Variants in SHTN1 observed in about 807,000 individuals in gnomAD.
SHTN1 encodes shootin 1, also known as shootin-1.
SHTN1 carries 42 observed loss-of-function variants against 83.1 expected under a neutral mutation model. The ratio of observed to expected loss-of-function variants is 0.51; its 90% CI spans 0.39 to 0.65. SHTN1 has a LOEUF of 0.65. Among genes scored for constraint, SHTN1 ranks in the 30% least tolerant of loss-of-function variants. The probability of loss-of-function intolerance (pLI) is 0.00; values close to 1 mark genes in which losing one functional copy is unlikely to be tolerated. For missense variants in SHTN1, 622 were observed against 737.8 expected (o/e 0.84, Z 1.82); for synonymous variants, 224 against 247.7 (o/e 0.90, Z 0.90).
chr10:117,084,850 C>G (rs937046255), intron 1 of SHTN1, among the ~76,000 whole-genome samples: 3 of 151,562 alleles, frequency 2.0e-5, no homozygotes, highest in Non-Finnish European at 4.4e-5. Flanking sequence ...AACTCCCTGA[C>G]CCCTTGCGCT....
At chr10:116,968,801 C>A in intron 2 of SHTN1, 89 bp from the exon 3 acceptor site, 1 of 983,592 alleles carries the variant, frequency 1.0e-6, no homozygotes, top group Non-Finnish European at 1.5e-6. Context: ...TAAACAACAG[C>A]AATTTTCTGA....
intron 8 of SHTN1, among the ~76,000 whole-genome samples, chr10:116,942,768 T>C (rs1050180464): frequency 1.3e-5 from 2 of 152,240 alleles, no homozygotes; most frequent in African/African-American, 2.4e-5. Flanking sequence ...TCTAAGGCTC[T>C]AGACTATAAG....
intron 13 of SHTN1, among the ~76,000 whole-genome samples, chr10:116,914,183 C>A (rs1037856038): frequency 6.6e-6 from 1 of 152,118 alleles, no homozygotes; most frequent in Non-Finnish European, 1.5e-5. Flanking sequence ...ACTTAGAAAA[C>A]CCATCAGAGG....
At chr10:116,953,473 T>A (rs996599659) in intron 5 of SHTN1, among the ~76,000 whole-genome samples, 1 of 152,124 alleles carries the variant, frequency 6.6e-6, no homozygotes, top group African/African-American at 2.4e-5. Context: ...TTATATACCC[T>A]ATGGTGATTT....
chr10:117,118,223 C>T (rs192319013), intron 1 of SHTN1, among the ~76,000 whole-genome samples: 31 of 151,782 alleles, frequency 2.0e-4, no homozygotes, highest in Middle Eastern at 6.8e-3. Flanking sequence ...ACAAATAATC[C>T]AATTAAAAAA....
At chr10:116,898,533 G>C (rs1847603706) in intron 16 of SHTN1, among the ~76,000 whole-genome samples, 1 of 152,092 alleles carries the variant, frequency 6.6e-6, no homozygotes. Flanking sequence ...GGGACATGAT[G>C]AGCATAATTC....
At chr10:116,892,732 AT>A (rs1273594212) in intron 16 of SHTN1, among the ~76,000 whole-genome samples, 1 of 152,244 alleles carries the variant, frequency 6.6e-6, no homozygotes, top group Non-Finnish European at 1.5e-5. Context: ...TACAAATGAA[AT>A]GTGTTTATTG....
upstream of SHTN1, among the ~76,000 whole-genome samples, chr10:117,006,674 A>G (rs1852018558): frequency 6.6e-6 from 1 of 152,110 alleles, no homozygotes; most frequent in South Asian, 2.1e-4. Context: ...CATGGGAGAT[A>G]AGTCCAAACT....
intron 2 of SHTN1, among the ~76,000 whole-genome samples, chr10:116,970,337 T>A (rs1457537417): frequency 6.6e-6 from 1 of 152,212 alleles, no homozygotes; most frequent in Non-Finnish European, 1.5e-5. Flanking sequence ...ACATTTTTAA[T>A]AATAGTACAT....
intron 1 of SHTN1, among the ~76,000 whole-genome samples, chr10:117,084,608 G>A (rs1324457693): frequency 6.6e-6 from 1 of 152,202 alleles, no homozygotes; most frequent in African/African-American, 2.4e-5. Flanking sequence ...AAGCAAGCCT[G>A]GGCAATGGTG....
At position 116,946,555 on chromosome 10, in the gene SHTN1, TG is replaced by T. The variant is rs1405329995; in HGVS notation, c.617-1538del. ...ATGATTTATATATAAATATATAAAA[TG>T]ATTTATATATAAATATATAAAATGA... On this transcript the variant is annotated intron_variant, in intron 7 of 16. Transcript: ENST00000355371. Among the ~76,000 whole-genome samples, 21 of 125,216 alleles carry T rather than the reference TG, an allele frequency of 1.7e-4. 5 individuals carry two copies. The East Asian group carries it at 2.1e-3, about 12-fold the overall frequency. 82.1% of individuals were successfully genotyped at this position (125,216 alleles called of 152,430 possible). A position where few individuals can be genotyped will look rare whatever the true frequency, so the allele number is the denominator to read the frequency against.
chr10:116,945,861 TTA>T (rs1185299628), intron 7 of SHTN1, among the ~76,000 whole-genome samples: 1 of 152,144 alleles, frequency 6.6e-6, no homozygotes, highest in Non-Finnish European at 1.5e-5. Flanking sequence ...TAAAATAATT[TTA>T]GTGTAGTCAT....
At chr10:117,101,802 G>A (rs1657300290) in intron 1 of SHTN1, among the ~76,000 whole-genome samples, 1 of 152,170 alleles carries the variant, frequency 6.6e-6, no homozygotes, top group African/African-American at 2.4e-5. Flanking sequence ...GCTAGAGTAA[G>A]TTCCCTACCA....
In SHTN1 at chr10:116,884,852, C is replaced by G. The variant is rs1847116257; in HGVS notation, c.*1492G>C. On this transcript the variant is annotated 3_prime_UTR_variant, in exon 17 of 17. Transcript: ENST00000355371. ...GTTGTGGTGAGGAGAGTTCAAATTA[C>G]AGCATAACAGAATTCGTTTCGTGAA... 6.5e-6 allele frequency: 1 copy of G among 153,996 alleles called. No individual in the cohort carries two copies. The highest frequency in any genetic ancestry group is 1.4e-5 in the Non-Finnish European group (1 of 69,200). 9.5% of individuals were successfully genotyped at this position (153,996 alleles called of 1,614,324 possible).
At chr10:117,054,406 CTT>C (rs1214269438) in intron 1 of SHTN1, among the ~76,000 whole-genome samples, 65 of 138,408 alleles carry the variant, frequency 4.7e-4, no homozygotes, top group Admixed American at 2.2e-4. Flanking sequence ...GCATCCTTAT[CTT>C]TTTTTTTTTT....
intron 2 of SHTN1, among the ~76,000 whole-genome samples, chr10:117,019,495 T>A (rs570773060): frequency 1.1e-4 from 17 of 150,992 alleles, no homozygotes; most frequent in East Asian, 5.8e-4. Flanking sequence ...TAAAAACATT[T>A]AAAAAAAAAT....
chr10:117,006,548 A>C (rs1280390709), upstream of SHTN1, among the ~76,000 whole-genome samples: 1 of 143,554 alleles, frequency 7.0e-6, no homozygotes, highest in African/African-American at 2.6e-5. Context: ...CCTGGGTGAC[A>C]GAGTGAGACT....
At chr10:116,971,057 A>G (rs1012257415) in intron 2 of SHTN1, among the ~76,000 whole-genome samples, 3 of 152,222 alleles carry the variant, frequency 2.0e-5, no homozygotes, top group African/African-American at 7.2e-5. Context: ...TTTAAAAATA[A>G]GTAAGAAGCT....
At chr10:117,022,851 A>C (rs1201338908) in intron 2 of SHTN1, among the ~76,000 whole-genome samples, 2 of 152,128 alleles carry the variant, frequency 1.3e-5, no homozygotes, top group Non-Finnish European at 2.9e-5. Context: ...AAGGGAAGGG[A>C]AGGTTGCAGT....
Sources: allele counts gnomAD v4.1 joint callset (sites outside exome capture counted in the v4.1 genomes callset), GRCh38; gene constraint gnomAD v4.1.1; transcripts MANE v1.5; gene names NCBI Gene and HGNC (gene_info 2026-07-23, HGNC 2026-07-21).